Variants in ZNF675 observed in about 807,000 individuals in gnomAD.
ZNF675 encodes TRAF6 inhibitory zinc finger.
A neutral mutation model predicts 56.1 loss-of-function variants in ZNF675; 36 were observed. The ratio of observed to expected loss-of-function variants is 0.64; its 90% CI spans 0.49 to 0.85. ZNF675 has a LOEUF of 0.85. Among genes scored for constraint, ZNF675 ranks in the 40% least tolerant of loss-of-function variants. ZNF675 has a pLI of 0.00. For synonymous variants in ZNF675, 200 were observed against 218.9 expected (o/e 0.91, Z 0.76); for missense variants, 663 against 654.2 (o/e 1.01, Z -0.15).
intron 3 of ZNF675, among the ~76,000 whole-genome samples, chr19:23,658,956 G>C (rs1267011327): frequency 3.5e-4 from 2 of 5,744 alleles, no homozygotes; most frequent in East Asian, 0.033. Context: ...GATCTCTAGA[G>C]ATCTATAGAT....
intron 3 of ZNF675, 174 bp downstream of exon 3, chr19:23,661,940 A>C (rs1225968156): frequency 1.8e-6 from 1 of 541,770 alleles, no homozygotes; most frequent in Non-Finnish European, 3.3e-6. Flanking sequence ...TAGAGAATTT[A>C]AAAGCATAAG....
At chr19:23,658,136 A>G (rs1175831428) in intron 3 of ZNF675, among the ~76,000 whole-genome samples, 1 of 152,080 alleles carries the variant, frequency 6.6e-6, no homozygotes, top group Admixed American at 6.6e-5. Context: ...TGAGGCTGGC[A>G]GATCACAAGT....
chr19:23,674,881 A>G (rs1339732988), intron 1 of ZNF675, among the ~76,000 whole-genome samples: 1 of 151,478 alleles, frequency 6.6e-6, no homozygotes, highest in Non-Finnish European at 1.5e-5. Context: ...CTGAGGCACG[A>G]GAATCACTTG....
In ZNF675 at chr19:23,654,195, A is replaced by C; in HGVS notation, c.738T>G (p.Tyr246Ter). The C allele has an allele frequency of 6.2e-7, 1 of 1,614,036 alleles. No homozygotes were observed. The highest frequency in any genetic ancestry group is 8.5e-7 in the Non-Finnish European group (1 of 1,179,986). Residue 246 changes from tyrosine to a stop codon, truncating the protein, a stop_gained, in exon 4 of 4, where the codon TAT (tyrosine) becomes TAG (stop). Coordinates refer to ENST00000359788, the MANE Select transcript of ZNF675 (RefSeq NM_138330.3). LOFTEE classifies it high-confidence loss of function. ...GTTTCTCTCGAGCATAATCTTTTTTATATTCAGTAAGGTTTGAGAATTGGT... is the reference window on the plus strand; with the variant it reads ...GTTTCTCTCGAGCATAATCTTTTTTCTATTCAGTAAGGTTTGAGAATTGGT... ...TFNQFSNLTE[Y>*]KKDYAREKPY...
chr19:23,671,151 G>A (rs1968222313), intron 1 of ZNF675, among the ~76,000 whole-genome samples: 1 of 152,132 alleles, frequency 6.6e-6, no homozygotes, highest in Non-Finnish European at 1.5e-5. Context: ...TACTAATCTA[G>A]TCCCTTCCTC....
chr19:23,672,199 G>T (rs1568293922), intron 1 of ZNF675, among the ~76,000 whole-genome samples: 1 of 138,346 alleles, frequency 7.2e-6, no homozygotes, highest in African/African-American at 2.7e-5. Flanking sequence ...AAAAGGACAA[G>T]AATACTCTAC....
intron 3 of ZNF675, 67 bp downstream of exon 3, chr19:23,662,047 G>T (rs1327888658): frequency 2.6e-6 from 3 of 1,165,472 alleles, no homozygotes; most frequent in Non-Finnish European, 3.8e-6. Context: ...TTAAGGACTG[G>T]CTTTCTCTTT....
intron 1 of ZNF675, among the ~76,000 whole-genome samples, chr19:23,677,517 C>T (rs1242484893): frequency 6.6e-6 from 1 of 150,448 alleles, no homozygotes; most frequent in Non-Finnish European, 1.5e-5. Flanking sequence ...ACAAGCCTGG[C>T]CAACATGGGG....
intron 1 of ZNF675, among the ~76,000 whole-genome samples, chr19:23,664,659 A>G (rs944311356): frequency 1.3e-5 from 2 of 152,222 alleles, no homozygotes; most frequent in Admixed American, 6.5e-5. Context: ...GCACTTAATT[A>G]AAACAACATG....
intron 1 of ZNF675, among the ~76,000 whole-genome samples, chr19:23,678,936 G>A (rs1265155788): frequency 6.6e-6 from 1 of 151,500 alleles, no homozygotes; most frequent in African/African-American, 2.4e-5. Flanking sequence ...GAAGGCCGAG[G>A]CGGGTGGATC....
intron 1 of ZNF675, 41 bp downstream of exon 1, chr19:23,686,989 AG>A: frequency 6.2e-7 from 1 of 1,613,256 alleles, no homozygotes; most frequent in Non-Finnish European, 8.5e-7. Flanking sequence ...GGTTCCAACC[AG>A]CCCCTTCCCC....
intron 1 of ZNF675, among the ~76,000 whole-genome samples, chr19:23,663,397 A>G (rs1191260039): frequency 6.6e-6 from 1 of 152,210 alleles, no homozygotes; most frequent in South Asian, 2.1e-4. Flanking sequence ...TCTAAATAAT[A>G]ACATATATAA....
intron 1 of ZNF675, among the ~76,000 whole-genome samples, chr19:23,684,103 T>C (rs1372573058): frequency 1.3e-5 from 2 of 148,812 alleles, no homozygotes; most frequent in African/African-American, 5.0e-5. Flanking sequence ...CTACTAAAAA[T>C]ACAAAAAAAT....
chr19:23,673,123 A>G (rs543799222), intron 1 of ZNF675, among the ~76,000 whole-genome samples: 1 of 152,368 alleles, frequency 6.6e-6, no homozygotes, highest in African/African-American at 2.4e-5. Context: ...GACAACTAAA[A>G]GGACCTGCAT....
intron 3 of ZNF675, among the ~76,000 whole-genome samples, chr19:23,658,862 A>AATAGATCT (rs1555706343): frequency 9.5e-4 from 15 of 15,720 alleles, no homozygotes; most frequent in African/African-American, 3.1e-3. Flanking sequence ...TAGATATAGA[A>AATAGATCT]ATAGATCTAT....
At chr19:23,670,888 G>A (rs764812849) in intron 1 of ZNF675, among the ~76,000 whole-genome samples, 3 of 152,050 alleles carry the variant, frequency 2.0e-5, no homozygotes, top group Admixed American at 2.0e-4. Flanking sequence ...ACCAGGAAGC[G>A]GATGGATTAT....
intron 1 of ZNF675, among the ~76,000 whole-genome samples, chr19:23,665,698 C>T (rs188116616): frequency 6.6e-6 from 1 of 152,064 alleles, no homozygotes; most frequent in East Asian, 1.9e-4. Context: ...AGGGTTTCAC[C>T]ATGTCGGTCA....
At chr19:23,655,902 G>A (rs1967976726) in intron 3 of ZNF675, 1 of 152,100 alleles carries the variant, frequency 6.6e-6, no homozygotes, top group African/African-American at 2.4e-5. Context: ...ACACCAGCCT[G>A]GGCAACATAG....
intron 1 of ZNF675, among the ~76,000 whole-genome samples, chr19:23,680,940 C>A (rs1480542354): frequency 6.6e-6 from 1 of 151,634 alleles, no homozygotes; most frequent in Non-Finnish European, 1.5e-5. Context: ...GCACACCAAA[C>A]CTTCATGACA....
Sources: gnomAD v4.1 joint callset for allele counts (sites outside exome capture counted in the v4.1 genomes callset) on GRCh38, gnomAD v4.1.1 for gene constraint, MANE v1.5 for transcripts, NCBI Gene and HGNC (gene_info 2026-07-23, HGNC 2026-07-21) for gene names.